Variants in PDE7A observed in about 807,000 individuals in gnomAD.
The protein encoded by PDE7A is phosphodiesterase 7A.
Under a neutral mutation model 64.3 loss-of-function variants are expected in PDE7A, and 39 were observed. That is an observed-to-expected ratio of 0.61 (90% CI 0.47 to 0.79). The LOEUF (loss-of-function observed/expected upper bound fraction) is 0.79. Among genes scored for constraint, PDE7A ranks in the 30% least tolerant of loss-of-function variants. PDE7A has a pLI of 0.00. For synonymous variants in PDE7A, 203 were observed against 206.8 expected, an observed-to-expected ratio of 0.98 and a Z score of 0.16; for missense variants, 470 against 582.8, an observed-to-expected ratio of 0.81 and a Z score of 1.99.
intron 1 of PDE7A, among the ~76,000 whole-genome samples, chr8:65,784,461 T>C (rs1319905044): frequency 6.6e-6 from 1 of 152,082 alleles, no homozygotes; most frequent in African/African-American, 2.4e-5. Context: ...ATATTACACA[T>C]GGAACAATGA....
chr8:65,765,501 A>AAAAAAG, intron 3 of PDE7A: 1 of 146,640 alleles, frequency 6.8e-6, no homozygotes, highest in African/African-American at 2.6e-5. Context: ...AAAAAAAAAA[A>AAAAAAG]AAAAAAAAAA....
chr8:65,746,643 T>C (rs1807689716), intron 4 of PDE7A, among the ~76,000 whole-genome samples: 2 of 152,196 alleles, frequency 1.3e-5, no homozygotes, highest in Admixed American at 6.5e-5. Context: ...GTTGTATACA[T>C]TTATGAATAC....
intron 1 of PDE7A, among the ~76,000 whole-genome samples, chr8:65,835,757 G>C (rs2128935292): frequency 6.6e-6 from 1 of 152,268 alleles, no homozygotes; most frequent in African/African-American, 2.4e-5. Context: ...GTTTAAGAAG[G>C]AATTCCTGGG....
rs1250363858 is a variant in PDE7A, at chr8:65,715,922, G to A, written c.*3368C>T. 2.7e-5 allele frequency among the ~76,000 whole-genome samples: 4 copies of A among 146,992 alleles called. No individual in the cohort carries two copies. The highest frequency in any genetic ancestry group is 4.1e-4 in the East Asian group (2 of 4,842). ...AGAATGAGGAGAATGGCGTGAACCC[G>A]GGAGGCGGAACTTGCAGTGAGCCAA... On this transcript the variant is annotated 3_prime_UTR_variant, in exon 13 of 13. Transcript: ENST00000401827.
intron 1 of PDE7A, among the ~76,000 whole-genome samples, chr8:65,801,421 C>G (rs1156391074): frequency 6.6e-6 from 1 of 152,108 alleles, no homozygotes; most frequent in Non-Finnish European, 1.5e-5. Flanking sequence ...AGTAATGAAG[C>G]TGGCTTTCAA....
Position 65,780,124 on chromosome 8 carries a change from A to AT in PDE7A, c.200-322dup, listed in dbSNP as rs1234687185. 1.9e-3 allele frequency among the ~76,000 whole-genome samples: 275 copies of AT among 145,260 alleles called. 2 individuals are homozygous for AT. Among genetic ancestry groups the AT allele is most frequent in the African/African-American group, 5.6e-4 (22 of 39,564 alleles). On this transcript the variant is annotated intron_variant, in intron 2 of 12. Transcript: ENST00000401827. ...CTAATATATTATTCACATGGGCAAC[A>AT]TTTTTTTTTTTTTAAAAAAAGGCCA... is the stretch of plus-strand genomic sequence containing the variant.
chr8:65,736,153 G>A (rs1342669110), intron 6 of PDE7A, among the ~76,000 whole-genome samples: 1 of 152,128 alleles, frequency 6.6e-6, no homozygotes, highest in African/African-American at 2.4e-5. Context: ...CAATAAGCCA[G>A]CATCACAACT....
intron 3 of PDE7A, among the ~76,000 whole-genome samples, chr8:65,765,846 G>GT (rs1396066587): frequency 6.6e-6 from 1 of 152,176 alleles, no homozygotes; most frequent in Non-Finnish European, 1.5e-5. Flanking sequence ...ATTCTTTAAT[G>GT]TTTAAGACAT....
intron 6 of PDE7A, 41 bp from the exon 7 acceptor site, chr8:65,734,935 CA>C: frequency 9.3e-6 from 11 of 1,188,324 alleles, no homozygotes; most frequent in Non-Finnish European, 1.3e-5. Context: ...TGTATATGAG[CA>C]ACATATACAA....
In PDE7A at chr8:65,782,861, C is replaced by A; in HGVS notation, c.139-18G>T. On this transcript the variant is annotated intron_variant, in intron 1 of 12. Coordinates refer to ENST00000401827, the MANE Select transcript of PDE7A (RefSeq NM_001242318.3). ...CCACGCCTCTAGAAAAAAAAATACA[C>A]ATTATAATACATGACAATTAAATAT... The A allele has an allele frequency of 7.3e-7, 1 of 1,363,496 alleles. No individual in the cohort carries two copies. Among genetic ancestry groups the A allele is most frequent in the Non-Finnish European group, 1.0e-6 (1 of 960,940 alleles). The allele number at this position is 1,363,496 out of a possible 1,614,324, so 84.5% of individuals were successfully genotyped here.
intron 7 of PDE7A, among the ~76,000 whole-genome samples, chr8:65,732,068 G>A (rs999203174): frequency 1.3e-5 from 2 of 151,806 alleles, no homozygotes; most frequent in African/African-American, 2.4e-5. Flanking sequence ...GCATGATCTC[G>A]GTTCACTGGA....
intron 3 of PDE7A, among the ~76,000 whole-genome samples, chr8:65,769,789 A>G (rs58213885): frequency 0.12 from 18,799 of 152,098 alleles, 1,505 homozygotes; most frequent in African/African-American, 0.23. Context: ...CTTGCTACTC[A>G]GGAGGTTGAG....
At chr8:65,764,986 G>T (rs1454505322) in intron 3 of PDE7A, among the ~76,000 whole-genome samples, 1 of 152,150 alleles carries the variant, frequency 6.6e-6, no homozygotes, top group Admixed American at 6.5e-5. Flanking sequence ...CTAACTGTAG[G>T]AGATACACAG....
At chr8:65,790,843 T>C (rs1809681699) in intron 1 of PDE7A, among the ~76,000 whole-genome samples, 1 of 152,180 alleles carries the variant, frequency 6.6e-6, no homozygotes, top group African/African-American at 2.4e-5. Flanking sequence ...GCAACTAAAC[T>C]TGAAGGATGC....
At chr8:65,838,867 C>G (rs1731471752) in intron 1 of PDE7A, 1 of 152,238 alleles carries the variant, frequency 6.6e-6, no homozygotes, top group South Asian at 2.1e-4. Context: ...TGTGTCAGAA[C>G]TTTGCCTAAA....
chr8:65,740,389 A>T (rs1807361462), intron 5 of PDE7A, among the ~76,000 whole-genome samples: 2 of 151,988 alleles, frequency 1.3e-5, no homozygotes, highest in Non-Finnish European at 2.9e-5. Flanking sequence ...AAATAATACA[A>T]GCCCTCAAGT....
chr8:65,809,714 G>GA (rs1453181767), intron 1 of PDE7A, among the ~76,000 whole-genome samples: 4 of 152,252 alleles, frequency 2.6e-5, no homozygotes, highest in Non-Finnish European at 5.9e-5. Context: ...CTTTTCAAAA[G>GA]AAGACATTTA....
chr8:65,839,558 G>A (rs1223170377), intron 1 of PDE7A, among the ~76,000 whole-genome samples: 1 of 152,068 alleles, frequency 6.6e-6, no homozygotes, highest in African/African-American at 2.4e-5. Context: ...AGAAAAAAAA[G>A]GGTTAATTGA....
rs554494792 is a variant in PDE7A at position 65,808,896 on chromosome 8, A to C, written c.139-26053T>G. Among the ~76,000 whole-genome samples the C allele has an allele frequency of 1.6e-4, 24 of 152,334 alleles. No homozygotes were observed. The South Asian group carries it at 2.1e-3, about 13-fold the overall frequency. On this transcript the variant is annotated intron_variant, in intron 1 of 12. Transcript: ENST00000401827. ...AGTTATAAACTTGTTCTCTACCTCA[A>C]GACAATGTAGTCATAACTTACAATA...
Sources: allele counts gnomAD v4.1 joint callset (sites outside exome capture counted in the v4.1 genomes callset), GRCh38; gene constraint gnomAD v4.1.1; transcripts MANE v1.5; gene names NCBI Gene and HGNC (gene_info 2026-07-23, HGNC 2026-07-21).